Variants in CHLSN observed in about 807,000 individuals in gnomAD.
CHLSN encodes the protein cholesin.
chr7:999,429 A>G, the CHLSN span, among the ~76,000 whole-genome samples: 82,295 of 151,770 alleles, frequency 0.54, 22,635 homozygotes, highest in African/African-American at 0.6. Context: ...AATAGGGCTT[A>G]CAATCGGCTT....
chr7:1,114,509 G>C, the CHLSN span, among the ~76,000 whole-genome samples: 2 of 152,242 alleles, frequency 1.3e-5, no homozygotes, highest in African/African-American at 4.8e-5. Context: ...CAGCCTCTGT[G>C]GGTAAATCAG....
At chr7:1,062,042 G>A in the CHLSN span, among the ~76,000 whole-genome samples, 1 of 152,248 alleles carries the variant, frequency 6.6e-6, no homozygotes, top group Non-Finnish European at 1.5e-5. Context: ...GAGACACCAG[G>A]ATGCGAGTTT....
the CHLSN span, among the ~76,000 whole-genome samples, chr7:1,032,545 C>T: frequency 6.7e-6 from 1 of 149,598 alleles, no homozygotes; most frequent in Admixed American, 6.6e-5. Flanking sequence ...TGACAGTGGC[C>T]CTCAGAGGCC....
chr7:1,111,799 CAAAA>C, the CHLSN span, among the ~76,000 whole-genome samples: 1 of 142,510 alleles, frequency 7.0e-6, no homozygotes, highest in Admixed American at 7.0e-5. Flanking sequence ...GAGACCCTCT[CAAAA>C]AAAAAAAAGT....
At chr7:1,023,461 C>T in the CHLSN span, among the ~76,000 whole-genome samples, 5 of 151,946 alleles carry the variant, frequency 3.3e-5, no homozygotes, top group South Asian at 2.1e-4. This position sits in a 1 kb window ranked among gnomAD's most constrained non-coding sequence, Gnocchi z 5.0. Context: ...ACAGCACACC[C>T]GAGGCCTCCT....
the CHLSN span, chr7:1,055,617 A>G: frequency 2.9e-6 from 1 of 348,224 alleles, no homozygotes; most frequent in South Asian, 2.1e-5. Flanking sequence ...GTACAGTGCC[A>G]CCGGTGGACA....
chr7:1,129,810 A>G, the CHLSN span, among the ~76,000 whole-genome samples: 1 of 152,208 alleles, frequency 6.6e-6, no homozygotes, highest in East Asian at 1.9e-4. Context: ...TACATATTCT[A>G]TATTTCTAAC....
the CHLSN span, among the ~76,000 whole-genome samples, chr7:1,032,631 T>G: frequency 0.057 from 4,148 of 72,464 alleles, 81 homozygotes; most frequent in Admixed American, 0.073. Flanking sequence ...CGCCCACACC[T>G]CCAGGCACCC....
the CHLSN span, among the ~76,000 whole-genome samples, chr7:1,030,755 G>A: frequency 2.0e-5 from 3 of 149,490 alleles, no homozygotes; most frequent in African/African-American, 7.4e-5. Flanking sequence ...TCTCTCCCGG[G>A]GCACGCGGGG....
the CHLSN span, chr7:1,044,597 G>T: frequency 1.3e-5 from 2 of 150,936 alleles, no homozygotes; most frequent in South Asian, 4.1e-4. Context: ...GAGCCCCGCC[G>T]CCTCCGCCAG....
chr7:979,172 G>T, the CHLSN span, among the ~76,000 whole-genome samples: 1 of 152,344 alleles, frequency 6.6e-6, no homozygotes, highest in Middle Eastern at 3.4e-3. Flanking sequence ...TGCTTTCGAA[G>T]AAGTAAAGTT....
chr7:1,080,437 G>A, the CHLSN span, among the ~76,000 whole-genome samples: 9 of 152,198 alleles, frequency 5.9e-5, no homozygotes, highest in African/African-American at 2.2e-4. Flanking sequence ...CAGGCTCGGA[G>A]GCTGCACACG....
At chr7:1,095,622 G>A in the CHLSN span, among the ~76,000 whole-genome samples, 1 of 152,226 alleles carries the variant, frequency 6.6e-6, no homozygotes, top group Non-Finnish European at 1.5e-5. Flanking sequence ...GACGTGGGGA[G>A]ACCCACACGG....
At chr7:1,136,458 A>G in the CHLSN span, among the ~76,000 whole-genome samples, 700 of 117,664 alleles carry the variant, frequency 5.9e-3, 11 homozygotes, top group Non-Finnish European at 8.8e-3. Flanking sequence ...ATATAAACAT[A>G]TATAAACATA....
At chr7:1,001,683 G>A in the CHLSN span, among the ~76,000 whole-genome samples, 6 of 128,300 alleles carry the variant, frequency 4.7e-5, no homozygotes, top group South Asian at 5.6e-4. Context: ...GGAGTCCTGC[G>A]GGTGGGGAGT....
chr7:988,403 C>G, the CHLSN span: 1 of 1,612,574 alleles, frequency 6.2e-7, no homozygotes. Flanking sequence ...GGAGGCCTTC[C>G]TGCCTTTCTC....
the CHLSN span, chr7:1,010,043 T>G: frequency 6.2e-7 from 1 of 1,611,378 alleles, no homozygotes; most frequent in East Asian, 2.2e-5. Context: ...CTGCCTCTCC[T>G]CTTTCTTCCG....
chr7:995,266 C>T, the CHLSN span, among the ~76,000 whole-genome samples: 2 of 152,214 alleles, frequency 1.3e-5, no homozygotes, highest in Non-Finnish European at 1.5e-5. Context: ...GACTTCTCTG[C>T]GCCACCCTTC....
chr7:1,017,733 TAAGGGGCAGCCGCGGACGGCGGGG>T, the CHLSN span, among the ~76,000 whole-genome samples: 2 of 151,636 alleles, frequency 1.3e-5, no homozygotes, highest in Non-Finnish European at 2.9e-5. Context: ...GACGGCGGGA[TAAGGGGCAGCCGCGGACGGCGGGG>T]AAGGGGCAGC....
Sources: gnomAD v4.1 joint callset for allele counts (sites outside exome capture counted in the v4.1 genomes callset) on GRCh38, gnomAD v4.1.1 for gene constraint, Gnocchi (gnomAD v3.1) non-coding constraint, MANE v1.5 for transcripts, NCBI Gene and HGNC (gene_info 2026-07-23, HGNC 2026-07-21) for gene names.